The following GRID2 variants were observed in gnomAD, a reference collection of about 807,000 sequenced individuals.
The protein encoded by GRID2 is glutamate ionotropic receptor delta type subunit 2.
GRID2 carries 33 observed loss-of-function variants against 114.8 expected under a neutral mutation model. The ratio of observed to expected loss-of-function variants is 0.29; its 90% CI spans 0.22 to 0.38. GRID2 has a LOEUF of 0.38. GRID2 is among the 10% of genes least tolerant of loss of function. The probability of loss-of-function intolerance (pLI) is 1.00; values close to 1 mark genes in which losing one functional copy is unlikely to be tolerated. For synonymous variants in GRID2, 505 were observed against 449.9 expected, an observed-to-expected ratio of 1.12 and a Z score of -1.55; for missense variants, 1,184 against 1,257.7, an observed-to-expected ratio of 0.94 and a Z score of 0.89.
At chr4:93,736,861 CAA>C (rs11437016) in intron 14 of GRID2, among the ~76,000 whole-genome samples, 4,352 of 122,252 alleles carry the variant, frequency 0.036, 91 homozygotes, top group African/African-American at 0.063. Flanking sequence ...CAGACTTGCT[CAA>C]AAAAAAAAAA....
chr4:92,810,468 A>G (rs930652741), intron 2 of GRID2, among the ~76,000 whole-genome samples: 2 of 152,060 alleles, frequency 1.3e-5, no homozygotes, highest in African/African-American at 4.8e-5. Flanking sequence ...GTACCCCTGA[A>G]GCTACTGAAA....
intron 2 of GRID2, among the ~76,000 whole-genome samples, chr4:92,981,530 G>A (rs901077991): frequency 2.0e-5 from 3 of 151,844 alleles, no homozygotes; most frequent in Non-Finnish European, 2.9e-5. Flanking sequence ...TTATATCTGC[G>A]GCTAACCCTC....
At chr4:92,755,294 C>A (rs1213873543) in intron 2 of GRID2, among the ~76,000 whole-genome samples, 1 of 152,174 alleles carries the variant, frequency 6.6e-6, no homozygotes, top group Non-Finnish European at 1.5e-5. Context: ...TTGGCAGGTA[C>A]TGCTCTTAGC....
intron 2 of GRID2, among the ~76,000 whole-genome samples, chr4:92,851,153 T>C (rs192016209): frequency 8.5e-5 from 13 of 152,054 alleles, no homozygotes; most frequent in African/African-American, 2.6e-4. Flanking sequence ...TTTAATGCCA[T>C]GTGATGGTAA....
intron 14 of GRID2, among the ~76,000 whole-genome samples, chr4:93,746,606 A>C (rs1731859802): frequency 6.6e-6 from 1 of 152,136 alleles, no homozygotes; most frequent in Admixed American, 6.6e-5. Flanking sequence ...GGACTACCAA[A>C]ATGCAAGAAA....
intron 2 of GRID2, among the ~76,000 whole-genome samples, chr4:92,941,605 T>C (rs1338216121): frequency 1.3e-5 from 2 of 152,218 alleles, no homozygotes. Flanking sequence ...TCTTGTCTTC[T>C]GCTAGCTTTT....
At chr4:93,322,328 A>G (rs1377675716) in intron 8 of GRID2, among the ~76,000 whole-genome samples, 3 of 152,114 alleles carry the variant, frequency 2.0e-5, no homozygotes, top group African/African-American at 7.2e-5. Context: ...TAGTTTGCTG[A>G]GAATGATGGT....
chr4:93,652,718 G>A (rs776416497), intron 14 of GRID2, among the ~76,000 whole-genome samples: 1 of 144,118 alleles, frequency 6.9e-6, no homozygotes, highest in African/African-American at 2.6e-5. Context: ...CCAGTCCATG[G>A]TACTTGGTTA....
chr4:93,063,659 A>C (rs1158768889), intron 2 of GRID2, among the ~76,000 whole-genome samples: 1 of 151,802 alleles, frequency 6.6e-6, no homozygotes. Context: ...ATTTTATTTT[A>C]TATAGTTTTG....
chr4:92,657,242 T>C lies in GRID2; in HGVS notation c.244+66956T>C, dbSNP rs993372117. Among the ~76,000 whole-genome samples the C allele has an allele frequency of 2.6e-4, 39 of 150,826 alleles. 1 individual carries two copies. The highest frequency in any genetic ancestry group is 1.3e-3 in the Admixed American group (19 of 15,128). ...TATACCATCACATAATCTGTGTGAATCATTTACTTGGATTCTTATTGTACT... is the reference window on the plus strand; with the variant it reads ...TATACCATCACATAATCTGTGTGAACCATTTACTTGGATTCTTATTGTACT... On this transcript the variant is annotated intron_variant, in intron 2 of 15. Coordinates refer to ENST00000282020, the MANE Select transcript of GRID2 (RefSeq NM_001510.4).
intron 10 of GRID2, among the ~76,000 whole-genome samples, chr4:93,442,330 T>C (rs1441748544): frequency 1.3e-5 from 2 of 152,012 alleles, no homozygotes; most frequent in South Asian, 2.1e-4. Context: ...TCTTAGAAAA[T>C]TGAAGAAGTC....
In GRID2 at chr4:92,304,008, C is replaced by T. The variant is rs1364973001; in HGVS notation, c.-649C>T. Reference sequence around the variant, plus strand: ...CCGCCTCGCCAAGCTGCGTTCCGCGCCTCACGCAGAAAGGGAATTTTCTCT... The same window carrying T: ...CCGCCTCGCCAAGCTGCGTTCCGCGTCTCACGCAGAAAGGGAATTTTCTCT... On this transcript the variant is annotated 5_prime_UTR_variant, in exon 1 of 16. Transcript: ENST00000282020. 1 of 152,644 alleles carries T rather than the reference C, an allele frequency of 6.6e-6. No individual in the cohort carries two copies. Among genetic ancestry groups the T allele is most frequent in the East Asian group, 1.9e-4 (1 of 5,166 alleles). 9.5% of individuals were successfully genotyped at this position (152,644 alleles called of 1,614,324 possible). A position where few individuals can be genotyped will look rare whatever the true frequency, so the allele number is the denominator to read the frequency against.
intron 2 of GRID2, among the ~76,000 whole-genome samples, chr4:92,946,203 C>T (rs1452149538): frequency 2.0e-5 from 3 of 152,004 alleles, no homozygotes; most frequent in African/African-American, 4.8e-5. Flanking sequence ...TCAAAGCCTT[C>T]AAAATGGGAG....
intron 12 of GRID2, among the ~76,000 whole-genome samples, chr4:93,509,914 A>G (rs942455495): frequency 2.0e-5 from 3 of 152,188 alleles, no homozygotes; most frequent in African/African-American, 7.2e-5. Context: ...GCTACAACCA[A>G]TGGACAGGCA....
At chr4:92,542,991 A>C (rs1257288936) in intron 1 of GRID2, among the ~76,000 whole-genome samples, 1 of 140,988 alleles carries the variant, frequency 7.1e-6, no homozygotes, top group African/African-American at 2.9e-5. Context: ...TGCACTTCTA[A>C]ATAAACAAAC....
intron 2 of GRID2, among the ~76,000 whole-genome samples, chr4:92,743,713 A>G (rs780281590): frequency 1.3e-5 from 2 of 152,180 alleles, no homozygotes; most frequent in Non-Finnish European, 2.9e-5. Context: ...TGCATTTTAC[A>G]TAAGGTTGTA....
chr4:92,457,318 A>G (rs1721264080), intron 1 of GRID2, among the ~76,000 whole-genome samples: 1 of 151,968 alleles, frequency 6.6e-6, no homozygotes, highest in Non-Finnish European at 1.5e-5. Flanking sequence ...CACTTTTCAC[A>G]TTTTCCATTG....
chr4:93,397,219 T>G (rs1229416596), intron 9 of GRID2, among the ~76,000 whole-genome samples: 2 of 151,966 alleles, frequency 1.3e-5, no homozygotes, highest in African/African-American at 4.8e-5. Context: ...GGCCCATAAA[T>G]TATTCCTAGT....
chr4:93,492,706 A>G (rs1417745394), intron 12 of GRID2, among the ~76,000 whole-genome samples: 1 of 151,876 alleles, frequency 6.6e-6, no homozygotes, highest in Non-Finnish European at 1.5e-5. Context: ...TCCAATCAAT[A>G]GAAGTCATTT....
Sources: gnomAD v4.1 joint callset for allele counts (sites outside exome capture counted in the v4.1 genomes callset) on GRCh38, gnomAD v4.1.1 for gene constraint, MANE v1.5 for transcripts, NCBI Gene and HGNC (gene_info 2026-07-23, HGNC 2026-07-21) for gene names.